DENND2B: variants seen among roughly 807,000 people sequenced by gnomAD.
DENND2B encodes DENN domain containing 2B.
In DENND2B, 32 loss-of-function variants were observed where a neutral mutation model predicts 116.0. The ratio of observed to expected loss-of-function variants is 0.28; its 90% CI spans 0.21 to 0.37. The LOEUF (loss-of-function observed/expected upper bound fraction) is 0.37, where lower values mean the gene tolerates loss of function less well. DENND2B is among the 10% of genes least tolerant of loss of function. DENND2B has a pLI of 1.00. For synonymous variants in DENND2B, 588 were observed against 583.9 expected (o/e 1.01, Z -0.10); for missense variants, 1,276 against 1,477.7 (o/e 0.86, Z 2.24).
At chr11:8,810,787 T>G, upstream of DENND2B, 1 of 151,988 alleles carries the variant, frequency 6.6e-6, no homozygotes, top group Non-Finnish European at 1.5e-5. Context: ...GGGCGCTCTC[T>G]TTTTCTTTCT....
At chr11:8,722,821 A>G (rs1377431395) in intron 4 of DENND2B, among the ~76,000 whole-genome samples, 4 of 152,150 alleles carry the variant, frequency 2.6e-5, no homozygotes, top group Middle Eastern at 3.4e-3. Context: ...GTATATTCCC[A>G]AACTGGTGCC....
intron 2 of DENND2B, among the ~76,000 whole-genome samples, chr11:8,864,830 T>TAG (rs2063522796): frequency 6.6e-6 from 1 of 152,132 alleles, no homozygotes; most frequent in Admixed American, 6.6e-5. Context: ...TACCCCACTC[T>TAG]AGTTAGCCGC....
chr11:8,726,543 G>C (rs1234003164), intron 3 of DENND2B, among the ~76,000 whole-genome samples: 1 of 152,212 alleles, frequency 6.6e-6, no homozygotes, highest in African/African-American at 2.4e-5. Context: ...CCAGTATTGG[G>C]ACATCTTGTG....
chr11:8,865,260 G>A (rs1335084424), intron 2 of DENND2B, among the ~76,000 whole-genome samples: 2 of 152,112 alleles, frequency 1.3e-5, no homozygotes, highest in Non-Finnish European at 2.9e-5. Flanking sequence ...AAGGACTTGA[G>A]TAAAATTCTT....
chr11:8,867,597 G>A (rs1431619348), intron 2 of DENND2B, among the ~76,000 whole-genome samples: 1 of 15,404 alleles, frequency 6.5e-5, no homozygotes, highest in South Asian at 2.0e-3. Context: ...TTTTTTTTTT[G>A]AGACAGGGTC....
At chr11:8,886,033 C>G (rs2063956659) in intron 1 of DENND2B, among the ~76,000 whole-genome samples, 1 of 152,054 alleles carries the variant, frequency 6.6e-6, no homozygotes, top group Non-Finnish European at 1.5e-5. Flanking sequence ...CTCGACCTCC[C>G]AGGTTCAAGT....
chr11:8,751,130 G>A (rs1593149842), intron 1 of DENND2B, among the ~76,000 whole-genome samples: 1 of 151,910 alleles, frequency 6.6e-6, no homozygotes, highest in Admixed American at 6.6e-5. Context: ...TCTGCATCTA[G>A]CTCAAGGTTT....
chr11:8,757,742 G>C (rs1449494291), intron 1 of DENND2B, among the ~76,000 whole-genome samples: 1 of 152,180 alleles, frequency 6.6e-6, no homozygotes, highest in Non-Finnish European at 1.5e-5. Flanking sequence ...CCAAGATAGA[G>C]AGCAGTTAAT....
intron 1 of DENND2B, among the ~76,000 whole-genome samples, chr11:8,904,658 C>T (rs2568030): frequency 0.93 from 141,931 of 152,140 alleles, 66,971 homozygotes; most frequent in East Asian, 1. Context: ...ATCCAGTATA[C>T]AGAAAATCCT....
chr11:8,837,169 C>A (rs931412307), intron 4 of DENND2B, among the ~76,000 whole-genome samples: 1 of 149,482 alleles, frequency 6.7e-6, no homozygotes, highest in Admixed American at 6.7e-5. Context: ...TATGCAAGAT[C>A]TGATTAAATC....
chr11:8,718,177 C>T, intron 4 of DENND2B: 1 of 591,184 alleles, frequency 1.7e-6, no homozygotes, highest in South Asian at 1.6e-5. Context: ...TTGCACAAGA[C>T]TGGCTCAGCC....
intron 4 of DENND2B, among the ~76,000 whole-genome samples, chr11:8,821,258 C>G (rs1192819980): frequency 6.6e-6 from 1 of 151,700 alleles, no homozygotes; most frequent in African/African-American, 2.4e-5. Context: ...TTGCTTTTCA[C>G]TGTATATCTT....
rs2061718034 is a variant in DENND2B, at chr11:8,820,431, A to T, written c.-114-9096T>A. Among the ~76,000 whole-genome samples the T allele has an allele frequency of 2.6e-5, 4 of 152,192 alleles. No individual in the cohort carries two copies. In the South Asian group the frequency reaches 8.3e-4, roughly 31 times the overall value. On this transcript the variant is annotated intron_variant, in intron 4 of 6. Transcript: ENST00000524757. ...CTCAGGGAGAATATCCTAAGAGAAA[A>T]TTCCTAAGTATGCAGAATAAATGTC...
At chr11:8,888,929 C>T (rs1263825134) in intron 1 of DENND2B, among the ~76,000 whole-genome samples, 1 of 151,944 alleles carries the variant, frequency 6.6e-6, no homozygotes, top group African/African-American at 2.4e-5. Context: ...ATAAAAGTAA[C>T]AAATGTTGGT....
chr11:8,710,697 G>A (rs572663174), intron 11 of DENND2B, 148 bp downstream of exon 11: 6 of 789,446 alleles, frequency 7.6e-6, no homozygotes, highest in East Asian at 2.7e-5. Flanking sequence ...CAGGGGGTTC[G>A]GGGTGGCCTC....
intron 1 of DENND2B, among the ~76,000 whole-genome samples, chr11:8,778,880 C>T (rs371720114): frequency 1.3e-5 from 2 of 152,248 alleles, no homozygotes; most frequent in Non-Finnish European, 2.9e-5. Context: ...TCCCCAGACT[C>T]AAGACTCTGG....
chr11:8,704,702 A>G (rs1434013447), intron 13 of DENND2B, among the ~76,000 whole-genome samples: 4 of 152,160 alleles, frequency 2.6e-5, no homozygotes, highest in South Asian at 2.1e-4. Context: ...CTATTTTGAC[A>G]TATGTATTTT....
chr11:8,759,017 C>T (rs1450086514), intron 1 of DENND2B, among the ~76,000 whole-genome samples: 1 of 152,186 alleles, frequency 6.6e-6, no homozygotes, highest in Non-Finnish European at 1.5e-5. Context: ...AGGCTGACAG[C>T]TTTTGCTCAG....
intron 13 of DENND2B, among the ~76,000 whole-genome samples, chr11:8,704,434 G>C (rs2042236982): frequency 6.6e-6 from 1 of 152,244 alleles, no homozygotes; most frequent in Non-Finnish European, 1.5e-5. Flanking sequence ...ACCATGAAGA[G>C]CTCCCAGGCA....
Sources: gnomAD v4.1 joint callset for allele counts (sites outside exome capture counted in the v4.1 genomes callset) on GRCh38, gnomAD v4.1.1 for gene constraint, MANE v1.5 for transcripts, NCBI Gene and HGNC (gene_info 2026-07-23, HGNC 2026-07-21) for gene names.